The following CEACAM4 variants were observed in gnomAD, a reference collection of about 807,000 sequenced individuals.
CEACAM4 encodes cell adhesion molecule CEACAM4.
CEACAM4 carries 30 observed loss-of-function variants against 28.7 expected under a neutral mutation model. The observed-to-expected ratio is 1.05, with a 90% CI of 0.78 to 1.42. The LOEUF (loss-of-function observed/expected upper bound fraction) is 1.42, where lower values mean the gene tolerates loss of function less well. CEACAM4 is among the 40% of genes most tolerant of loss of function. The pLI is 0.00. For synonymous variants in CEACAM4, 143 were observed against 126.5 expected, an observed-to-expected ratio of 1.13 and a Z score of -0.87; for missense variants, 330 against 308.2, an observed-to-expected ratio of 1.07 and a Z score of -0.53.
At chr19:41,614,409 C>T (rs561473113), downstream of CEACAM4, among the ~76,000 whole-genome samples, 16 of 152,180 alleles carry the variant, frequency 1.1e-4, no homozygotes, top group Middle Eastern at 3.2e-3. Flanking sequence ...AGAGCGTGTG[C>T]GCGTTAAACA....
chr19:41,625,379 G>GCC (rs145574063), intron 2 of CEACAM4, among the ~76,000 whole-genome samples: 29 of 151,932 alleles, frequency 1.9e-4, no homozygotes, highest in East Asian at 7.8e-4. Flanking sequence ...CCCTGCTGAG[G>GCC]CCCCCCCGCC....
chr19:41,625,722 T>C lies in CEACAM4; in HGVS notation c.303A>G (p.Val101=). The change falls in exon 2 of 7, where the codon GTA becomes GTG. Residue 101 remains valine (V), a synonymous_variant. Transcript: ENST00000221954. ...GGAACAGCAGGGATCCATTGGGGTA[T>C]ACTGTCTCTCGACCACTGTATGCGG... ...PGAAYSGRET[V]YPNGSLLFQN... 5.0e-6 allele frequency: 8 copies of C among 1,614,058 alleles called. No individual in the cohort carries two copies. The highest frequency in any genetic ancestry group is 6.8e-6 in the Non-Finnish European group (8 of 1,179,990).
chr19:41,613,516 CACAT>C, the CEACAM4 span, among the ~76,000 whole-genome samples: 4 of 151,898 alleles, frequency 2.6e-5, no homozygotes, highest in African/African-American at 4.8e-5. Flanking sequence ...CACACACACA[CACAT>C]ACACCCACAC....
Position 41,620,167 on chromosome 19 carries a change from G to A in CEACAM4, c.627+44C>T, listed in dbSNP as rs782520896. 1.6e-5 allele frequency: 23 copies of A among 1,483,570 alleles called. No individual in the cohort carries two copies. The South Asian group carries it at 2.9e-4, about 19-fold the overall frequency. 91.9% of individuals were successfully genotyped at this position (1,483,570 alleles called of 1,614,324 possible). On this transcript the variant is annotated intron_variant, in intron 5 of 6. Coordinates refer to ENST00000221954, the MANE Select transcript of CEACAM4 (RefSeq NM_001817.4). ...GGTCCCCCTGCCCTGAGCCTGCACT[G>A]TTGGGACCCCAGTAGAAAAGGGCTG...
intron 2 of CEACAM4, 104 bp downstream of exon 2, chr19:41,625,497 G>A: frequency 1.5e-6 from 2 of 1,377,792 alleles, no homozygotes; most frequent in Non-Finnish European, 2.0e-6. Flanking sequence ...CTCAACACGG[G>A]ACAAAATGCA....
intron 5 of CEACAM4, 76 bp downstream of exon 5, chr19:41,620,135 G>T: frequency 1.5e-6 from 2 of 1,302,646 alleles, no homozygotes; most frequent in Non-Finnish European, 2.1e-6. Flanking sequence ...TGTGCTGTGG[G>T]GTTGATGGTC....
downstream of CEACAM4, among the ~76,000 whole-genome samples, chr19:41,615,333 C>T (rs1393241052): frequency 6.6e-6 from 1 of 151,818 alleles, no homozygotes; most frequent in Admixed American, 6.6e-5. Context: ...TCCAAGGCAG[C>T]CTGTGGTGCT....
chr19:41,619,113 A>G lies in CEACAM4; in HGVS notation c.*217T>C, dbSNP rs1287672017. 1.8e-6 allele frequency: 1 copy of G among 560,370 alleles called. No homozygotes were observed. Among genetic ancestry groups the G allele is most frequent in the African/African-American group, 1.9e-5 (1 of 52,356 alleles). 34.7% of individuals were successfully genotyped at this position (560,370 alleles called of 1,614,324 possible). A position where few individuals can be genotyped will look rare whatever the true frequency, so the allele number is the denominator to read the frequency against. On this transcript the variant is annotated 3_prime_UTR_variant, in exon 7 of 7. Transcript: ENST00000221954. The stretch of plus-strand genomic sequence containing the variant: ...TTGCAAGCCCCCGCTTCCTGTGGTG[A>G]TGAGAGGCCTTTGTCCCGGCCCACC...
Position 41,620,571 on chromosome 19 carries a change from T to C in CEACAM4, c.595+4A>G. The C allele has an allele frequency of 6.2e-7, 1 of 1,611,506 alleles. No homozygotes were observed. The highest frequency in any genetic ancestry group is 8.5e-7 in the Non-Finnish European group (1 of 1,178,562). ...TCCCACACCTGGGCTGAAGGGACAC[T>C]CACCAGGGGTGGAGGCTGGGGGCGG... is the stretch of plus-strand genomic sequence containing the variant. On this transcript the variant is annotated splice_donor_region_variant and intron_variant, in intron 4 of 6. Transcript: ENST00000221954.
chr19:41,622,147 G>A (rs1333928180), intron 2 of CEACAM4, among the ~76,000 whole-genome samples: 4 of 151,384 alleles, frequency 2.6e-5, no homozygotes, highest in Non-Finnish European at 2.9e-5. Flanking sequence ...ACGCAATCTC[G>A]GCTCACTGCA....
At position 41,621,715 on chromosome 19, in the gene CEACAM4, C is replaced by T; in HGVS notation, c.478G>A (p.Val160Ile). 1 of 1,613,286 alleles carries T rather than the reference C, an allele frequency of 6.2e-7. No homozygotes were observed. Among genetic ancestry groups the T allele is most frequent in the Non-Finnish European group, 8.5e-7 (1 of 1,179,316 alleles). ...VGAVAGIVTG[V>I]LVGVALVAAL... ...GCCACCAGAGCCACCCCAACCAGGA[C>T]CCCAGTCACGATGCCAGCGACGGCC... The change falls in exon 3 of 7, where the codon GTC becomes ATC. Residue 160 changes from valine to isoleucine, a missense_variant. Coordinates refer to ENST00000221954, the MANE Select transcript of CEACAM4 (RefSeq NM_001817.4).
downstream of CEACAM4, among the ~76,000 whole-genome samples, chr19:41,618,755 G>A (rs139397735): frequency 2.5e-3 from 376 of 152,286 alleles, 1 homozygote; most frequent in Middle Eastern, 6.8e-3. Context: ...CCCAGGCTGG[G>A]GCTGTGCATG....
At chr19:41,618,891 C>T (rs1022901121), downstream of CEACAM4, 3 of 167,438 alleles carry the variant, frequency 1.8e-5, no homozygotes, top group Admixed American at 6.3e-5. Flanking sequence ...ATTTCTGCCT[C>T]CCAGGGAAGA....
chr19:41,622,372 C>G (rs2071344281), intron 2 of CEACAM4, among the ~76,000 whole-genome samples: 1 of 152,188 alleles, frequency 6.6e-6, no homozygotes, highest in Non-Finnish European at 1.5e-5. Context: ...GCCACTGCGC[C>G]CAGTCTTCCT....
At chr19:41,614,901 G>GAAGGGAAGAC (rs1478102454), downstream of CEACAM4, among the ~76,000 whole-genome samples, 1 of 138,040 alleles carries the variant, frequency 7.2e-6, no homozygotes, top group African/African-American at 2.6e-5. Flanking sequence ...ATAGGGAAGG[G>GAAGGGAAGAC]AAGGGAAGAC....
At chr19:41,624,591 C>T (rs1367777885) in intron 2 of CEACAM4, among the ~76,000 whole-genome samples, 1 of 152,210 alleles carries the variant, frequency 6.6e-6, no homozygotes, top group Non-Finnish European at 1.5e-5. Context: ...ACATCCGAAC[C>T]AGTGGCTGTT....
In CEACAM4 at chr19:41,619,105, C is replaced by T; in HGVS notation, c.*225G>A. 1 of 552,282 alleles carries T rather than the reference C, an allele frequency of 1.8e-6. No homozygotes were observed. Among genetic ancestry groups the T allele is most frequent in the South Asian group, 2.6e-5 (1 of 38,888 alleles). The allele number at this position is 552,282 out of a possible 1,614,324, so 34.2% of individuals were successfully genotyped here. On this transcript the variant is annotated 3_prime_UTR_variant, in exon 7 of 7. Coordinates refer to ENST00000221954, the MANE Select transcript of CEACAM4 (RefSeq NM_001817.4). ...CACTTTCCTTGCAAGCCCCCGCTTC[C>T]TGTGGTGATGAGAGGCCTTTGTCCC...
chr19:41,614,988 A>C, downstream of CEACAM4, among the ~76,000 whole-genome samples: 1 of 150,700 alleles, frequency 6.6e-6, no homozygotes, highest in Non-Finnish European at 1.5e-5. Flanking sequence ...GGGAAGGGGA[A>C]GGGAAAGTTT....
intron 3 of CEACAM4, among the ~76,000 whole-genome samples, chr19:41,621,335 C>T (rs1036905050): frequency 1.3e-5 from 2 of 152,130 alleles, no homozygotes; most frequent in South Asian, 2.1e-4. Flanking sequence ...CAATGAACAG[C>T]AGAAGGTACC....
Sources: allele counts gnomAD v4.1 joint callset (sites outside exome capture counted in the v4.1 genomes callset), GRCh38; gene constraint gnomAD v4.1.1; transcripts MANE v1.5; gene names NCBI Gene and HGNC (gene_info 2026-07-23, HGNC 2026-07-21).